Variants in UBIAD1 observed in about 807,000 individuals in gnomAD.
UBIAD1 encodes the protein UbiA prenyltransferase domain containing 1, also known as ubiA prenyltransferase domain-containing protein 1.
A neutral mutation model predicts 20.1 loss-of-function variants in UBIAD1; 12 were observed. The ratio of observed to expected loss-of-function variants is 0.60; its 90% CI spans 0.38 to 0.97. UBIAD1 has a LOEUF of 0.97. Ranked by LOEUF, UBIAD1 falls within the 50% of genes least tolerant of loss-of-function variation. The probability of loss-of-function intolerance (pLI) is 0.00; values close to 1 mark genes in which losing one functional copy is unlikely to be tolerated. For synonymous variants in UBIAD1, 207 were observed against 189.2 expected, an observed-to-expected ratio of 1.09 and a Z score of -0.77; for missense variants, 333 against 419.5, an observed-to-expected ratio of 0.79 and a Z score of 1.80.
intron 1 of UBIAD1, among the ~76,000 whole-genome samples, chr1:11,275,707 C>T (rs1217182561): frequency 6.6e-6 from 1 of 152,124 alleles, no homozygotes; most frequent in Non-Finnish European, 1.5e-5. Context: ...CACACCACTG[C>T]ACTCCAGCCT....
At chr1:11,277,248 T>A (rs940545583) in intron 1 of UBIAD1, among the ~76,000 whole-genome samples, 8 of 150,988 alleles carry the variant, frequency 5.3e-5, no homozygotes, top group Non-Finnish European at 8.9e-5. Context: ...TAAAAAAAAT[T>A]AAAAAAATCA....
chr1:11,295,163 A>G, exon 2 of UBIAD1: 1 of 511,500 alleles, frequency 2.0e-6, no homozygotes, highest in Non-Finnish European at 3.5e-6. Flanking sequence ...ACCACAGAAC[A>G]TCAAGGTAGA....
At position 11,286,462 on chromosome 1, in the gene UBIAD1, G is replaced by A; in HGVS notation, c.*331G>A. Reference sequence around the variant, plus strand: ...AGTTCCTCCTTGTTCTGTACAAAATGTCTCCAGACTTTGTAAAGGAGCTGC... The same window carrying A: ...AGTTCCTCCTTGTTCTGTACAAAATATCTCCAGACTTTGTAAAGGAGCTGC... On this transcript the variant is annotated 3_prime_UTR_variant, in exon 2 of 2. Coordinates refer to ENST00000376810, the MANE Select transcript of UBIAD1 (RefSeq NM_013319.3). The A allele has an allele frequency of 2.7e-6, 1 of 368,150 alleles. No homozygotes were observed. The highest frequency in any genetic ancestry group is 5.1e-6 in the Non-Finnish European group (1 of 195,458). The allele number at this position is 368,150 out of a possible 1,614,324, so 22.8% of individuals were successfully genotyped here. A position where few individuals can be genotyped will look rare whatever the true frequency, so the allele number is the denominator to read the frequency against.
intron 1 of UBIAD1, chr1:11,278,584 A>G (rs1031515855): frequency 6.1e-6 from 8 of 1,307,154 alleles, no homozygotes; most frequent in Admixed American, 2.9e-5. Context: ...GGTTGTTGAT[A>G]TAAGACAAGT....
downstream of UBIAD1, among the ~76,000 whole-genome samples, chr1:11,292,403 C>T (rs1161307475): frequency 1.3e-5 from 2 of 152,028 alleles, no homozygotes; most frequent in African/African-American, 2.4e-5. Flanking sequence ...GGCATTCAAG[C>T]GAAAAGATGA....
intron 1 of UBIAD1, among the ~76,000 whole-genome samples, chr1:11,283,877 A>G (rs1409828438): frequency 6.6e-6 from 1 of 152,136 alleles, no homozygotes; most frequent in Non-Finnish European, 1.5e-5. Context: ...TTCTGTAGCA[A>G]TAATTGCATG....
rs764337904 is a variant in UBIAD1 at position 11,286,151 on chromosome 1, C to G, written c.*20C>G. 2.6e-5 allele frequency: 42 copies of G among 1,613,976 alleles called. No individual in the cohort carries two copies. The South Asian group carries it at 2.7e-4, about 11-fold the overall frequency. ...ATTTAAGGGGACAAGTAGCTCCCCC[C>G]ACGACATGTCTCCCTTTCTTAGAAT... On this transcript the variant is annotated 3_prime_UTR_variant, in exon 2 of 2. Coordinates refer to ENST00000376810, the MANE Select transcript of UBIAD1 (RefSeq NM_013319.3).
At chr1:11,278,623 T>G in intron 1 of UBIAD1, 2 of 1,449,596 alleles carry the variant, frequency 1.4e-6, no homozygotes, top group Non-Finnish European at 1.8e-6. Context: ...AATTGTTGTA[T>G]GTTTGTCCTT....
downstream of UBIAD1, among the ~76,000 whole-genome samples, chr1:11,298,818 AC>A (rs75714771): frequency 0.054 from 8,188 of 152,244 alleles, 288 homozygotes; most frequent in South Asian, 0.13. This position sits in a 1 kb window ranked among gnomAD's most constrained non-coding sequence, Gnocchi z 4.0. Flanking sequence ...ATAAGGGGAA[AC>A]CACAGAGGGC....
In UBIAD1 at chr1:11,286,234, A is replaced by G. The variant is rs1040806305; in HGVS notation, c.*103A>G. On this transcript the variant is annotated 3_prime_UTR_variant, in exon 2 of 2. Coordinates refer to ENST00000376810, the MANE Select transcript of UBIAD1 (RefSeq NM_013319.3). The stretch of plus-strand genomic sequence containing the variant: ...TGATTTGGCAGTCAGGGTACTAAGC[A>G]TGGGTGGGAACTCCTGCCTTATAAA... 36 of 1,477,336 alleles carry G rather than the reference A, an allele frequency of 2.4e-5. No homozygotes were observed. The highest frequency in any genetic ancestry group is 2.0e-5 in the Non-Finnish European group (21 of 1,066,472). 91.5% of individuals were successfully genotyped at this position (1,477,336 alleles called of 1,614,324 possible).
chr1:11,297,644 CTA>C (rs1349052700), downstream of UBIAD1, among the ~76,000 whole-genome samples: 1 of 152,128 alleles, frequency 6.6e-6, no homozygotes, highest in Admixed American at 6.5e-5. Flanking sequence ...GGTGGGGTGA[CTA>C]TGAAAAAGTT....
downstream of UBIAD1, among the ~76,000 whole-genome samples, chr1:11,290,054 C>T (rs565817320): frequency 7.9e-5 from 12 of 151,400 alleles, no homozygotes; most frequent in African/African-American, 1.5e-4. Context: ...TTAGTAGAGA[C>T]GGGGTTTTAC....
chr1:11,296,669 A>G (rs1638453621), downstream of UBIAD1, among the ~76,000 whole-genome samples: 1 of 152,010 alleles, frequency 6.6e-6, no homozygotes, highest in African/African-American at 2.4e-5. Context: ...ACAGGCTTGC[A>G]CCACCATGCC....
At chr1:11,276,834 G>T (rs1652049458) in intron 1 of UBIAD1, among the ~76,000 whole-genome samples, 1 of 150,846 alleles carries the variant, frequency 6.6e-6, no homozygotes, top group African/African-American at 2.4e-5. Context: ...GCTTTTAACA[G>T]AAATTCATCA....
chr1:11,295,061 T>A (rs1021646872), exon 2 of UBIAD1: 5 of 664,928 alleles, frequency 7.5e-6, no homozygotes, highest in Non-Finnish European at 1.4e-5. Flanking sequence ...ATTGTATGCA[T>A]GTTCAGGACA....
downstream of UBIAD1, among the ~76,000 whole-genome samples, chr1:11,291,606 CAAAAAAAAA>C (rs771883369): frequency 3.5e-5 from 2 of 56,386 alleles, no homozygotes; most frequent in Non-Finnish European, 4.0e-5. Context: ...GACTTCATCT[CAAAAAAAAA>C]AAAAAAAAAA....
rs945293439 is a variant in UBIAD1 at position 11,275,605 on chromosome 1, A to C, written c.529+1545A>C. On this transcript the variant is annotated intron_variant, in intron 1 of 1. Transcript: ENST00000376810. ...ATAAAATAAAAAATATTAGCTGGGC[A>C]TGGTGGTGCTTGCCTGTGGTCCCAG... Among the ~76,000 whole-genome samples, 7 of 152,072 alleles carry C rather than the reference A, an allele frequency of 4.6e-5. 1 individual carries two copies. The South Asian group carries it at 8.3e-4, about 18-fold the overall frequency.
intron 1 of UBIAD1, among the ~76,000 whole-genome samples, chr1:11,278,240 G>T (rs1266873601): frequency 1.3e-5 from 2 of 152,194 alleles, no homozygotes; most frequent in Non-Finnish European, 2.9e-5. Context: ...TTACAGACAT[G>T]AGCCACTGTG....
intron 1 of UBIAD1, among the ~76,000 whole-genome samples, chr1:11,281,826 C>CTATGTATG (rs373501823): frequency 3.1e-4 from 47 of 152,228 alleles, no homozygotes; most frequent in African/African-American, 6.0e-4. Context: ...TCACTATGAA[C>CTATGTATG]TATGTATGTA....
Sources: gnomAD v4.1 joint callset for allele counts (sites outside exome capture counted in the v4.1 genomes callset) on GRCh38, gnomAD v4.1.1 for gene constraint, Gnocchi (gnomAD v3.1) non-coding constraint, MANE v1.5 for transcripts, NCBI Gene and HGNC (gene_info 2026-07-23, HGNC 2026-07-21) for gene names.